Variants in TIMM50 observed in about 807,000 individuals in gnomAD.
TIMM50 encodes the protein translocase of inner mitochondrial membrane 50.
TIMM50 carries 34 observed loss-of-function variants against 49.6 expected under a neutral mutation model. The observed-to-expected ratio is 0.69, with a 90% confidence interval of 0.52 to 0.91. The LOEUF is 0.91. Ranked by LOEUF, TIMM50 falls within the 40% of genes least tolerant of loss-of-function variation. The pLI is 0.00. For synonymous variants in TIMM50, 199 were observed against 198.4 expected, an observed-to-expected ratio of 1.00 and a Z score of -0.03; for missense variants, 458 against 477.8, an observed-to-expected ratio of 0.96 and a Z score of 0.39.
chr19:39,486,807 G>A (rs1056786268), intron 8 of TIMM50, among the ~76,000 whole-genome samples: 3 of 152,172 alleles, frequency 2.0e-5, no homozygotes, highest in African/African-American at 7.2e-5. Context: ...TTTCTGGGAA[G>A]GTTTGCTTAT....
rs766527887 is a variant in TIMM50, at chr19:39,489,697, T to G, written c.961-22T>G. On this transcript the variant is annotated intron_variant, in intron 10 of 10. Coordinates refer to ENST00000607714, the MANE Select transcript of TIMM50 (RefSeq NM_001001563.5). ...TGTCCACCTTGCGCTGACCCTCTCCTCCAACTGTCCCCCTACCCCAGGAGG... is the reference window on the plus strand; with the variant it reads ...TGTCCACCTTGCGCTGACCCTCTCCGCCAACTGTCCCCCTACCCCAGGAGG... 6.9e-6 allele frequency: 11 copies of G among 1,587,318 alleles called. No individual in the cohort carries two copies. The African/African-American group carries it at 1.5e-4, about 21-fold the overall frequency.
chr19:39,488,443 CTGCCCCCG>C (rs2079522259), intron 9 of TIMM50, 88 bp from the exon 10 acceptor site: 1 of 1,210,594 alleles, frequency 8.3e-7, no homozygotes. Context: ...GTAGCACTGA[CTGCCCCCG>C]TGCCCCAGTG....
At chr19:39,488,685 G>C (rs1442982485) in intron 10 of TIMM50, 40 bp downstream of exon 10, 2 of 1,552,562 alleles carry the variant, frequency 1.3e-6, no homozygotes, top group African/African-American at 2.7e-5. Context: ...TCGGCTCTGA[G>C]GCTCCTGAAG....
Position 39,492,125 on chromosome 19 carries a change from G to A in TIMM50, c.*2305G>A, listed in dbSNP as rs907179116. 1.3e-4 allele frequency: 20 copies of A among 152,036 alleles called. No individual in the cohort carries two copies. Among genetic ancestry groups the A allele is most frequent in the Non-Finnish European group, 2.5e-4 (17 of 68,032 alleles). 9.4% of individuals were successfully genotyped at this position (152,036 alleles called of 1,614,324 possible). On this transcript the variant is annotated 3_prime_UTR_variant, in exon 11 of 11. Transcript: ENST00000607714. ...TCAAATCCAAGCTCTACCACTTCTC[G>A]GCTGGCTTGTGATCCTGTGCAAGTT...
Position 39,482,152 on chromosome 19 carries a change from A to G in TIMM50, c.259+119A>G, listed in dbSNP as rs566227137. On this transcript the variant is annotated intron_variant, in intron 2 of 10. Coordinates refer to ENST00000607714, the MANE Select transcript of TIMM50 (RefSeq NM_001001563.5). ...TCTTCATTCCCTGGCTCCTTCCTCA[A>G]TAGGGCAGCCAAATAAGACACCTAC... is the stretch of plus-strand genomic sequence containing the variant. 2.3e-6 allele frequency: 3 copies of G among 1,316,128 alleles called. No homozygotes were observed. In the Admixed American group the frequency reaches 6.7e-5, roughly 29 times the overall value. The allele number at this position is 1,316,128 out of a possible 1,614,324, so 81.5% of individuals were successfully genotyped here.
chr19:39,481,920 A>C lies in TIMM50; in HGVS notation c.146A>C (p.Gln49Pro). 1 of 1,614,068 alleles carries C rather than the reference A, an allele frequency of 6.2e-7. No homozygotes were observed. The highest frequency in any genetic ancestry group is 1.1e-5 in the South Asian group (1 of 91,080). Residue 49 changes from glutamine to proline, a missense_variant, in exon 2 of 11, where the codon CAA (glutamine) becomes CCA (proline). Transcript: ENST00000607714. ...GGGAGCCGCGGGAGCACTAAGGCGC[A>C]AGGGCCACAGCAGCAGCCGGGCTCA... Reference protein sequence around the residue: ...EIGSRGSTKAQGPQQQPGSEG... With the variant: ...EIGSRGSTKAPGPQQQPGSEG...
At chr19:39,483,811 A>G (rs1398354166) in intron 4 of TIMM50, among the ~76,000 whole-genome samples, 1 of 152,142 alleles carries the variant, frequency 6.6e-6, no homozygotes, top group Non-Finnish European at 1.5e-5. Flanking sequence ...TTTAAAGTGT[A>G]TATGTTTACT....
chr19:39,480,887 C>G lies in TIMM50; in HGVS notation c.34C>G (p.Arg12Gly), dbSNP rs780447973. The G allele has an allele frequency of 6.3e-7, 1 of 1,598,962 alleles. No individual in the cohort carries two copies. The change falls in exon 1 of 11, where the codon CGA becomes GGA. Residue 12 changes from arginine (R) to glycine (G), a missense_variant. By Grantham distance (125) the Arg-to-Gly change is moderately radical (BLOSUM62 -2). Transcript: ENST00000607714. ...AASAAVFSRLRSGLRLGSRGL... is the reference protein window; with the variant it reads ...AASAAVFSRLGSGLRLGSRGL... The stretch of plus-strand genomic sequence containing the variant: ...CTCGGCAGCGGTGTTCTCGCGCTTG[C>G]GAAGCGGGCTCCGGCTCGGCTCGCG...
At chr19:39,488,397 A>G (rs897550901) in intron 9 of TIMM50, 142 bp from the exon 10 acceptor site, 5 of 1,081,294 alleles carry the variant, frequency 4.6e-6, no homozygotes, top group African/African-American at 1.6e-5. Flanking sequence ...GGGGATGTTC[A>G]GGGGAGCCCT....
Position 39,489,906 on chromosome 19 carries a change from G to C in TIMM50, c.*86G>C. Reference sequence around the variant, plus strand: ...CTTGGGCCACCACTTGTCCAATAAAGTACATCCCAGACGCCACACCTGCTG... The same window carrying C: ...CTTGGGCCACCACTTGTCCAATAAACTACATCCCAGACGCCACACCTGCTG... On this transcript the variant is annotated 3_prime_UTR_variant, in exon 11 of 11. Coordinates refer to ENST00000607714, the MANE Select transcript of TIMM50 (RefSeq NM_001001563.5). 1 of 1,278,178 alleles carries C rather than the reference G, an allele frequency of 7.8e-7. No homozygotes were observed. Among genetic ancestry groups the C allele is most frequent in the African/African-American group, 1.5e-5 (1 of 67,860 alleles). The allele number at this position is 1,278,178 out of a possible 1,614,324, so 79.2% of individuals were successfully genotyped here.
Position 39,492,007 on chromosome 19 carries a change from C to T in TIMM50, c.*2187C>T, listed in dbSNP as rs975159841. 1 of 152,030 alleles carries T rather than the reference C, an allele frequency of 6.6e-6. No homozygotes were observed. Among genetic ancestry groups the T allele is most frequent in the Non-Finnish European group, 1.5e-5 (1 of 68,028 alleles). 9.4% of individuals were successfully genotyped at this position (152,030 alleles called of 1,614,324 possible). On this transcript the variant is annotated 3_prime_UTR_variant, in exon 11 of 11. Coordinates refer to ENST00000607714, the MANE Select transcript of TIMM50 (RefSeq NM_001001563.5). ...GCTGAGATTATAGGAGTGAGCCACT[C>T]TGCCCAACTACTTTTAATTAAATAG...
rs769763381 is a variant in TIMM50, at chr19:39,481,914, A to C, written c.140A>C (p.Lys47Thr). Residue 47 changes from lysine (K) to threonine (T), a missense_variant, in exon 2 of 11, where the codon AAG becomes ACG. Coordinates refer to ENST00000607714, the MANE Select transcript of TIMM50 (RefSeq NM_001001563.5). The stretch of plus-strand genomic sequence containing the variant: ...GAGATCGGGAGCCGCGGGAGCACTA[A>C]GGCGCAAGGGCCACAGCAGCAGCCG... ...AAEIGSRGST[K>T]AQGPQQQPGS... 2.5e-6 allele frequency: 4 copies of C among 1,613,996 alleles called. No individual in the cohort carries two copies. The highest frequency in any genetic ancestry group is 3.3e-4 in the Middle Eastern group (2 of 6,054).
At chr19:39,486,315 G>C (rs983561819) in intron 7 of TIMM50, 24 bp downstream of exon 7, 1 of 1,613,772 alleles carries the variant, frequency 6.2e-7, no homozygotes, top group Non-Finnish European at 8.5e-7. Flanking sequence ...GCAGGGGAGG[G>C]AATATTGGTG....
intron 1 of TIMM50, chr19:39,481,173 C>A: frequency 1.6e-6 from 1 of 610,814 alleles, no homozygotes; most frequent in Non-Finnish European, 2.7e-6. Context: ...CACCTCCCAC[C>A]CACGTGGGTG....
At chr19:39,483,465 T>G in intron 4 of TIMM50, 13 of 376,052 alleles carry the variant, frequency 3.5e-5, no homozygotes, top group East Asian at 9.1e-5. Context: ...GCATCTGCGG[T>G]TCCCAACTCC....
In TIMM50 at chr19:39,487,518, C is replaced by T. The variant is rs147913478; in HGVS notation, c.697-543C>T. ...TGTTGCCTAGGCTGGAGTGCAGTGG[C>T]GCGATCTTGGTTCACTGCAACCTCC... On this transcript the variant is annotated intron_variant, in intron 8 of 10. Transcript: ENST00000607714. Among the ~76,000 whole-genome samples the T allele has an allele frequency of 8.6e-3, 1,312 of 151,872 alleles. 18 individuals are homozygous for T. The highest frequency in any genetic ancestry group is 0.03 in the African/African-American group (1,223 of 41,370).
chr19:39,488,368 G>C (rs1264844322), intron 9 of TIMM50, 151 bp downstream of exon 9: 5 of 1,152,740 alleles, frequency 4.3e-6, no homozygotes, highest in Non-Finnish European at 6.2e-6. Context: ...GATGTTCATG[G>C]AATGTTTGGG....
chr19:39,485,892 A>G (rs2079502331), intron 6 of TIMM50, 85 bp downstream of exon 6: 4 of 1,570,596 alleles, frequency 2.5e-6, no homozygotes, highest in Non-Finnish European at 3.5e-6. Context: ...TGGCTGTGCT[A>G]TGTGATCTTG....
intron 4 of TIMM50, chr19:39,483,390 T>G: frequency 1.8e-6 from 1 of 570,208 alleles, no homozygotes. Context: ...GAGCCTTGGG[T>G]GGGAGGGCTT....
Sources: allele counts gnomAD v4.1 joint callset (sites outside exome capture counted in the v4.1 genomes callset), GRCh38; gene constraint gnomAD v4.1.1; transcripts MANE v1.5; gene names NCBI Gene and HGNC (gene_info 2026-07-23, HGNC 2026-07-21).